The following ZHX3 variants were observed in gnomAD, a reference collection of about 807,000 sequenced individuals.
The protein encoded by ZHX3 is zinc fingers and homeoboxes 3, also known as zinc fingers and homeoboxes protein 3.
In ZHX3, 20 loss-of-function variants were observed where a neutral mutation model predicts 64.5. The ratio of observed to expected loss-of-function variants is 0.31; its 90% CI spans 0.22 to 0.45. The LOEUF (loss-of-function observed/expected upper bound fraction) is 0.45. Ranked by LOEUF, ZHX3 falls within the 20% of genes least tolerant of loss-of-function variation. The probability of loss-of-function intolerance (pLI) is 1.00; values close to 1 mark genes in which losing one functional copy is unlikely to be tolerated. For missense variants in ZHX3, 1,041 were observed against 1,195.8 expected (o/e 0.87, Z 1.91); for synonymous variants, 423 against 461.6 (o/e 0.92, Z 1.07).
intron 2 of ZHX3, among the ~76,000 whole-genome samples, chr20:41,267,228 C>G (rs1336357315): frequency 6.6e-6 from 1 of 152,110 alleles, no homozygotes; most frequent in Non-Finnish European, 1.5e-5. Flanking sequence ...GTGTAAATAT[C>G]TAATCTGCCA....
rs1169493108 is a variant in ZHX3 at position 41,219,548 on chromosome 20, A to C, written c.-150-14482T>G. 6.6e-6 allele frequency among the ~76,000 whole-genome samples: 1 copy of C among 152,228 alleles called. No homozygotes were observed. The highest frequency in any genetic ancestry group is 3.2e-3 in the Middle Eastern group (1 of 316). ...ATGGTTCCTTGTAGTAAGCACCAAAAACAACAAAACCTTCCTATAAGTTTT... is the reference window on the plus strand; with the variant it reads ...ATGGTTCCTTGTAGTAAGCACCAAACACAACAAAACCTTCCTATAAGTTTT... On this transcript the variant is annotated intron_variant, in intron 2 of 3. Coordinates refer to ENST00000683867, the MANE Select transcript of ZHX3 (RefSeq NM_001384317.1). The surrounding 1 kb of genome is among the most constrained non-coding windows in gnomAD (Gnocchi z 5.0).
At chr20:41,198,812 G>A (rs978277163) in intron 3 of ZHX3, among the ~76,000 whole-genome samples, 3 of 151,786 alleles carry the variant, frequency 2.0e-5, no homozygotes, top group Non-Finnish European at 4.4e-5. Flanking sequence ...ATTCCTATAT[G>A]AGTATATGAG....
intron 3 of ZHX3, among the ~76,000 whole-genome samples, chr20:41,191,304 T>C (rs1406897418): frequency 6.6e-6 from 1 of 152,044 alleles, no homozygotes; most frequent in East Asian, 1.9e-4. Context: ...TGATCTAATA[T>C]ATTGTTGAAG....
At chr20:41,271,022 T>G (rs1460014061) in intron 1 of ZHX3, among the ~76,000 whole-genome samples, 1 of 152,110 alleles carries the variant, frequency 6.6e-6, no homozygotes, top group African/African-American at 2.4e-5. Flanking sequence ...TACAAAAGTA[T>G]TTTTGTTTTT....
chr20:41,315,346 C>CTTTT (rs11471425), intron 1 of ZHX3, among the ~76,000 whole-genome samples: 1 of 56,044 alleles, frequency 1.8e-5, no homozygotes, highest in Admixed American at 2.4e-4. Flanking sequence ...CCAGGCCTGG[C>CTTTT]TTTTTTTTTT....
chr20:41,186,460 T>C (rs923737854), intron 3 of ZHX3, among the ~76,000 whole-genome samples: 13 of 152,264 alleles, frequency 8.5e-5, no homozygotes, highest in African/African-American at 3.1e-4. Context: ...AACACTGATG[T>C]ACATGCATAT....
At chr20:41,235,886 C>T (rs1237642290) in intron 2 of ZHX3, among the ~76,000 whole-genome samples, 5 of 152,102 alleles carry the variant, frequency 3.3e-5, no homozygotes, top group Admixed American at 6.5e-5. Flanking sequence ...CATCTCAGCC[C>T]AAAATCTCCT....
chr20:41,314,098 C>T (rs1398041586), intron 1 of ZHX3, among the ~76,000 whole-genome samples: 1 of 152,094 alleles, frequency 6.6e-6, no homozygotes, highest in African/African-American at 2.4e-5. Flanking sequence ...AAGTAGTCTA[C>T]CTGAAATTCA....
intron 1 of ZHX3, among the ~76,000 whole-genome samples, chr20:41,314,427 A>G (rs866335386): frequency 6.6e-6 from 1 of 152,260 alleles, no homozygotes; most frequent in East Asian, 1.9e-4. Flanking sequence ...CTATTCCCCA[A>G]ATGAAAACAC....
Position 41,203,995 on chromosome 20 carries a change from T to C in ZHX3, c.922A>G (p.Thr308Ala). ...TTAGAGTCCATGGCTGCATTGTACG[T>C]TGGAATGCTGCTCAGGGGGATCATC... The part of the protein sequence containing the change: ...KVMIPLSSIP[T>A]YNAAMDSNSF... Residue 308 changes from threonine (T) to alanine (A), a missense_variant, in exon 3 of 4, where the codon ACG becomes GCG. Physicochemically the swap from Thr to Ala is moderately conservative, Grantham distance 58. Coordinates refer to ENST00000683867, the MANE Select transcript of ZHX3 (RefSeq NM_001384317.1). The surrounding 1 kb of genome is among the most constrained non-coding windows in gnomAD (Gnocchi z 7.1). 1 of 1,614,166 alleles carries C rather than the reference T, an allele frequency of 6.2e-7. No individual in the cohort carries two copies. The highest frequency in any genetic ancestry group is 8.5e-7 in the Non-Finnish European group (1 of 1,180,024).
chr20:41,196,487 A>AT (rs2037644811), intron 3 of ZHX3, among the ~76,000 whole-genome samples: 2 of 78,838 alleles, frequency 2.5e-5, no homozygotes, highest in Non-Finnish European at 4.5e-5. Context: ...ATATATTATA[A>AT]ATATATATTA....
intron 2 of ZHX3, among the ~76,000 whole-genome samples, chr20:41,205,292 C>T (rs1189535307): frequency 6.6e-6 from 1 of 152,122 alleles, no homozygotes; most frequent in African/African-American, 2.4e-5. Flanking sequence ...TAGACTTAAG[C>T]AACGTATTTT....
chr20:41,246,265 C>T (rs2041681109), intron 2 of ZHX3, among the ~76,000 whole-genome samples: 1 of 152,218 alleles, frequency 6.6e-6, no homozygotes, highest in South Asian at 2.1e-4. Context: ...TTAAAGCACA[C>T]ATTTACTAAA....
At chr20:41,264,432 G>A (rs2042728457) in intron 2 of ZHX3, among the ~76,000 whole-genome samples, 2 of 145,982 alleles carry the variant, frequency 1.4e-5, no homozygotes, top group African/African-American at 5.1e-5. Flanking sequence ...GGTGGCACAT[G>A]CCTGTAATCT....
intron 2 of ZHX3, among the ~76,000 whole-genome samples, chr20:41,249,541 C>A (rs1285945805): frequency 6.6e-6 from 1 of 152,192 alleles, no homozygotes; most frequent in Non-Finnish European, 1.5e-5. Flanking sequence ...GGGCGGCCAA[C>A]CAGGCCCAGG....
In ZHX3 at chr20:41,203,367, T is replaced by G. The variant is rs780791487; in HGVS notation, c.1550A>C (p.Gln517Pro). ...TTCAACTTCGCTCTGCCCTGGGAACTGGTTCCGACAGAAGCTCCCTTTCAG... is the reference window on the plus strand; with the variant it reads ...TTCAACTTCGCTCTGCCCTGGGAACGGGTTCCGACAGAAGCTCCCTTTCAG... The part of the protein sequence containing the change: ...SALKGSFCRN[Q>P]FPGQSEVEHL... Residue 517 changes from glutamine (Q) to proline (P), a missense_variant, in exon 3 of 4, where the codon CAG becomes CCG. Transcript: ENST00000683867. This position sits in a 1 kb window ranked among gnomAD's most constrained non-coding sequence, Gnocchi z 7.1. 2 of 1,614,070 alleles carry G rather than the reference T, an allele frequency of 1.2e-6. No homozygotes were observed. The highest frequency in any genetic ancestry group is 1.7e-5 in the Admixed American group (1 of 60,012).
chr20:41,284,096 T>C (rs1007370421), intron 1 of ZHX3, among the ~76,000 whole-genome samples: 1 of 152,134 alleles, frequency 6.6e-6, no homozygotes, highest in East Asian at 1.9e-4. Flanking sequence ...GTCCCCAGAG[T>C]AATGAGAAAA....
At position 41,202,501 on chromosome 20, in the gene ZHX3, G is replaced by A. The variant is rs1157968080; in HGVS notation, c.2416C>T (p.Pro806Ser). 6.2e-7 allele frequency: 1 copy of A among 1,614,138 alleles called. No homozygotes were observed. Among genetic ancestry groups the A allele is most frequent in the South Asian group, 1.1e-5 (1 of 91,082 alleles). ...SIMAQTGLPR[P>S]EVVRWFGDSR... Reference sequence around the variant, plus strand: ...TCTCCAAACCAGCGCACCACCTCTGGCCGTGGCAGACCCGTCTGGGCCATG... The same window carrying A: ...TCTCCAAACCAGCGCACCACCTCTGACCGTGGCAGACCCGTCTGGGCCATG... The change falls in exon 3 of 4, where the codon CCA (proline) becomes TCA (serine). Residue 806 changes from proline to serine, a missense_variant. Physicochemically the swap from Pro to Ser is moderately conservative, Grantham distance 74. Around this residue, in one of 4 missense-constraint regions of ZHX3, gnomAD observed 649 missense variants for 739.8 expected, o/e 0.88. Coordinates refer to ENST00000683867, the MANE Select transcript of ZHX3 (RefSeq NM_001384317.1). The surrounding 1 kb of genome is among the most constrained non-coding windows in gnomAD (Gnocchi z 7.0).
chr20:41,245,875 T>C lies in ZHX3; in HGVS notation c.-151+23115A>G, dbSNP rs150567960. 2.6e-3 allele frequency among the ~76,000 whole-genome samples: 402 copies of C among 152,346 alleles called. 3 individuals are homozygous for C. Among genetic ancestry groups the C allele is most frequent in the South Asian group, 0.016 (76 of 4,830 alleles). ...AACACTCATTATTTCTGGTTCCACT[T>C]TGAGAAGCAGCAAGCAAGGAAAGGG... On this transcript the variant is annotated intron_variant, in intron 2 of 3. Coordinates refer to ENST00000683867, the MANE Select transcript of ZHX3 (RefSeq NM_001384317.1).
Sources: allele counts gnomAD v4.1 joint callset (sites outside exome capture counted in the v4.1 genomes callset), GRCh38; gene constraint gnomAD v4.1.1; regional missense constraint gnomAD v4.1.1; non-coding constraint Gnocchi (gnomAD v3.1); transcripts MANE v1.5; gene names NCBI Gene and HGNC (gene_info 2026-07-23, HGNC 2026-07-21).